Variants in SVIL observed in about 807,000 individuals in gnomAD.
The protein encoded by SVIL is archvillin.
In SVIL, 101 loss-of-function variants were observed where a neutral mutation model predicts 240.4. The ratio of observed to expected loss-of-function variants is 0.42; its 90% CI spans 0.36 to 0.50. SVIL has a LOEUF of 0.50. Ranked by LOEUF, SVIL falls within the 20% of genes least tolerant of loss-of-function variation. The probability of loss-of-function intolerance (pLI) is 0.01; values close to 1 mark genes in which losing one functional copy is unlikely to be tolerated. For missense variants in SVIL, 2,512 were observed against 2,818.7 expected, an observed-to-expected ratio of 0.89 and a Z score of 2.46; for synonymous variants, 999 against 1,100.0, an observed-to-expected ratio of 0.91 and a Z score of 1.82.
intron 1 of SVIL, among the ~76,000 whole-genome samples, chr10:29,591,241 T>C (rs1480104152): frequency 6.6e-6 from 1 of 152,202 alleles, no homozygotes; most frequent in Non-Finnish European, 1.5e-5. Context: ...GCTTCTGCAT[T>C]GCTGGTTTCT....
chr10:29,732,138 C>T (rs1964658969), intron 1 of SVIL, among the ~76,000 whole-genome samples: 1 of 152,212 alleles, frequency 6.6e-6, no homozygotes, highest in African/African-American at 2.4e-5. Context: ...GCTCATTTTC[C>T]AGTGTGGGAG....
chr10:29,621,430 A>C (rs1314169548), intron 1 of SVIL, among the ~76,000 whole-genome samples: 2 of 152,264 alleles, frequency 1.3e-5, no homozygotes, highest in Non-Finnish European at 2.9e-5. Flanking sequence ...GTGGAGGCAC[A>C]GCAGGGGTCC....
At chr10:29,610,496 C>T (rs1393199454) in intron 1 of SVIL, among the ~76,000 whole-genome samples, 2 of 147,286 alleles carry the variant, frequency 1.4e-5, no homozygotes, top group African/African-American at 5.0e-5. Context: ...GTCACCCAGG[C>T]TGGAGTGCAG....
intron 1 of SVIL, among the ~76,000 whole-genome samples, chr10:29,596,236 C>T (rs193214004): frequency 7.2e-5 from 11 of 152,222 alleles, no homozygotes; most frequent in South Asian, 2.1e-4. Flanking sequence ...TTTGGGAGGC[C>T]GAGGTGGGAG....
chr10:29,478,493 G>C (rs1026281065), intron 29 of SVIL, among the ~76,000 whole-genome samples: 1 of 152,182 alleles, frequency 6.6e-6, no homozygotes, highest in Admixed American at 6.5e-5. Context: ...CCAAGGCTCA[G>C]ACAGAGTAAC....
intron 23 of SVIL, 93 bp from the exon 24 acceptor site, chr10:29,487,392 C>T: frequency 7.4e-7 from 1 of 1,354,914 alleles, no homozygotes; most frequent in Non-Finnish European, 9.9e-7. Flanking sequence ...GACGCTTTCA[C>T]TTCTAAAGAG....
Position 29,529,864 on chromosome 10 carries a change from G to A in SVIL, c.2107-20C>T, listed in dbSNP as rs1457308816. On this transcript the variant is annotated intron_variant, in intron 11 of 37. Transcript: ENST00000355867. Reference sequence around the variant, plus strand: ...CATCTCCTAAGATTAGAAGTATTGTGGAACCCTTATAAATTCAAGGAAAGA... The same window carrying A: ...CATCTCCTAAGATTAGAAGTATTGTAGAACCCTTATAAATTCAAGGAAAGA... The A allele has an allele frequency of 6.3e-7, 1 of 1,592,516 alleles. No homozygotes were observed. Among genetic ancestry groups the A allele is most frequent in the Non-Finnish European group, 8.5e-7 (1 of 1,170,812 alleles).
In SVIL at chr10:29,720,206, A is replaced by T. The variant is rs191525181; in HGVS notation, c.-400+15545T>A. On this transcript the variant is annotated intron_variant, in intron 1 of 35. Coordinates refer to the SVIL transcript ENST00000375400. ...ATGACACAGTGAGACTTCACTTTTT[A>T]AAAAATAAAAATACTAAATGCAATT... Among the ~76,000 whole-genome samples the T allele has an allele frequency of 3.6e-3, 546 of 152,326 alleles. 1 individual carries two copies. Among genetic ancestry groups the T allele is most frequent in the Non-Finnish European group, 4.6e-3 (310 of 68,024 alleles).
chr10:29,470,245 T>TG (rs3215848), intron 32 of SVIL, 31 bp downstream of exon 32: 8 of 1,612,540 alleles, frequency 5.0e-6, no homozygotes, highest in South Asian at 1.1e-5. Context: ...GCCCGGTGTG[T>TG]GGGGGGACTC....
chr10:29,668,643 T>C (rs1462094184), intron 2 of SVIL, among the ~76,000 whole-genome samples: 2 of 152,094 alleles, frequency 1.3e-5, no homozygotes, highest in Non-Finnish European at 1.5e-5. Flanking sequence ...CCGGCTAATT[T>C]TTGTATTTTT....
chr10:29,548,521 C>T (rs10437411), intron 6 of SVIL, among the ~76,000 whole-genome samples: 63,521 of 151,986 alleles, frequency 0.42, 13,352 homozygotes, highest in East Asian at 0.44. Flanking sequence ...TTTCTGATTT[C>T]ATACCTTTTT....
At chr10:29,557,880 A>T (rs1165546736) in intron 3 of SVIL, among the ~76,000 whole-genome samples, 4 of 152,052 alleles carry the variant, frequency 2.6e-5, no homozygotes, top group Non-Finnish European at 5.9e-5. Context: ...GGCTCTGGAG[A>T]GCTCCCAGAT....
At chr10:29,471,299 A>G in intron 30 of SVIL, 56 bp from the exon 31 acceptor site, 2 of 1,338,218 alleles carry the variant, frequency 1.5e-6, no homozygotes. Context: ...CAAAGTCCTA[A>G]AAACAATACA....
In SVIL at chr10:29,458,087, C is replaced by T; in HGVS notation, c.*160G>A. On this transcript the variant is annotated 3_prime_UTR_variant, in exon 38 of 38. Transcript: ENST00000355867. ...AGTTCCCTTGAACATTTACAAAATA[C>T]ACAACTCCGGGACAAGCAGTATCTT... 3 of 692,518 alleles carry T rather than the reference C, an allele frequency of 4.3e-6. No homozygotes were observed. Among genetic ancestry groups the T allele is most frequent in the Non-Finnish European group, 7.1e-6 (3 of 423,894 alleles). The allele number at this position is 692,518 out of a possible 1,614,324, so 42.9% of individuals were successfully genotyped here.
At chr10:29,505,554 G>A (rs1662892499) in intron 17 of SVIL, among the ~76,000 whole-genome samples, 1 of 152,146 alleles carries the variant, frequency 6.6e-6, no homozygotes, top group Admixed American at 6.5e-5. Context: ...GAGCACAGGG[G>A]ATCTTCAGGG....
At chr10:29,463,705 C>A in intron 34 of SVIL, 70 bp from the exon 35 acceptor site, 2 of 1,565,254 alleles carry the variant, frequency 1.3e-6, no homozygotes, top group East Asian at 2.3e-5. Flanking sequence ...ACTCCTCCCC[C>A]AACCTAGTGG....
chr10:29,693,160 T>C (rs80090766), intron 1 of SVIL, among the ~76,000 whole-genome samples: 19,126 of 152,164 alleles, frequency 0.13, 1,451 homozygotes, highest in Admixed American at 0.21. Flanking sequence ...TTCATCCTCA[T>C]TTTACAGATC....
intron 1 of SVIL, among the ~76,000 whole-genome samples, chr10:29,610,006 C>A (rs746425614): frequency 2.0e-5 from 3 of 152,224 alleles, no homozygotes; most frequent in Admixed American, 6.5e-5. Context: ...TCCTGTGACA[C>A]TGTGACCTCC....
chr10:29,545,272 C>T (rs1016162200), intron 6 of SVIL, among the ~76,000 whole-genome samples: 1 of 152,110 alleles, frequency 6.6e-6, no homozygotes, highest in African/African-American at 2.4e-5. Context: ...GAGGCTGCAC[C>T]GTGTCAAGTT....
Sources: allele counts gnomAD v4.1 joint callset (sites outside exome capture counted in the v4.1 genomes callset), GRCh38; gene constraint gnomAD v4.1.1; transcripts MANE v1.5; gene names NCBI Gene and HGNC (gene_info 2026-07-23, HGNC 2026-07-21).